Variants in MRPL14 observed in about 807,000 individuals in gnomAD.
The protein encoded by MRPL14 is large ribosomal subunit protein uL14m.
Under a neutral mutation model 10.9 loss-of-function variants are expected in MRPL14, and 8 were observed. The observed-to-expected ratio is 0.74, with a 90% CI of 0.43 to 1.33. MRPL14 has a LOEUF of 1.33. Among genes scored for constraint, MRPL14 ranks in the 40% most tolerant of loss-of-function variants. The probability of loss-of-function intolerance (pLI) is 0.01; values close to 1 mark genes in which losing one functional copy is unlikely to be tolerated. For synonymous variants in MRPL14, 82 were observed against 74.1 expected (o/e 1.11, Z -0.54); for missense variants, 179 against 194.5 (o/e 0.92, Z 0.47).
In MRPL14 at chr6:44,113,650, T is replaced by G; in HGVS notation, c.*193A>C. On this transcript the variant is annotated 3_prime_UTR_variant, in exon 3 of 3. Transcript: ENST00000372014. ...GTAAGCCACCTTTCAACTGCTTCAG[T>G]GTAATTTATTTTCCCACATCCCAGA... The G allele has an allele frequency of 1.7e-6, 1 of 574,724 alleles. No homozygotes were observed. The highest frequency in any genetic ancestry group is 2.8e-6 in the Non-Finnish European group (1 of 363,094). 35.6% of individuals were successfully genotyped at this position (574,724 alleles called of 1,614,324 possible). A position where few individuals can be genotyped will look rare whatever the true frequency, so the allele number is the denominator to read the frequency against.
intron 1 of MRPL14, among the ~76,000 whole-genome samples, chr6:44,119,665 G>A (rs1018990259): frequency 2.0e-5 from 3 of 152,212 alleles, no homozygotes; most frequent in Non-Finnish European, 4.4e-5. Context: ...TGTAGTGTAG[G>A]AGGCAAGAAG....
intron 1 of MRPL14, among the ~76,000 whole-genome samples, chr6:44,126,562 C>T (rs571489967): frequency 1.3e-5 from 2 of 152,314 alleles, no homozygotes; most frequent in East Asian, 3.9e-4. Flanking sequence ...CCAGAGTTTC[C>T]CAAGTAGCCT....
intron 2 of MRPL14, 29 bp downstream of exon 2, chr6:44,116,512 A>T: frequency 6.2e-7 from 1 of 1,608,470 alleles, no homozygotes; most frequent in South Asian, 1.1e-5. Flanking sequence ...ACAAAGACAC[A>T]GTTTTAAGAA....
intron 1 of MRPL14, among the ~76,000 whole-genome samples, 173 bp from the exon 2 acceptor site, chr6:44,116,802 G>A (rs756082774): frequency 2.0e-5 from 3 of 152,304 alleles, no homozygotes; most frequent in Middle Eastern, 3.4e-3. Context: ...CTGTAGCTCC[G>A]ATTTTGCTGA....
chr6:44,114,475 T>A (rs947582664), intron 2 of MRPL14, among the ~76,000 whole-genome samples: 7 of 152,176 alleles, frequency 4.6e-5, no homozygotes, highest in Admixed American at 6.5e-5. Context: ...TCTGTGACAA[T>A]GAACTTCACA....
chr6:44,119,154 C>T (rs1582719922), intron 1 of MRPL14, among the ~76,000 whole-genome samples: 1 of 152,264 alleles, frequency 6.6e-6, no homozygotes, highest in Non-Finnish European at 1.5e-5. Context: ...TGCTCTTACT[C>T]AACAGAGTAA....
intron 2 of MRPL14, among the ~76,000 whole-genome samples, chr6:44,114,749 C>T (rs575459981): frequency 2.1e-4 from 32 of 152,342 alleles, no homozygotes; most frequent in African/African-American, 7.5e-4. Flanking sequence ...GCTAGGAATA[C>T]ATGCGCCTGC....
At position 44,127,170 on chromosome 6, in the gene MRPL14, C is replaced by CCCCT. The variant is rs1400965416; in HGVS notation, c.-19+173_-19+174insAGGG. 4 of 100,452 alleles carry CCCCT rather than the reference C, an allele frequency of 4.0e-5. No homozygotes were observed. The East Asian group carries it at 1.5e-3, about 38-fold the overall frequency. The allele number at this position is 100,452 out of a possible 1,614,324, so 6.2% of individuals were successfully genotyped here. ...AGGGGCCTCCCCTCCCCGTCGGGAC[C>CCCCT]CCCCTCCCCGTCGGGACCCCCCCCT... On this transcript the variant is annotated intron_variant, in intron 1 of 2. Transcript: ENST00000372014.
At chr6:44,118,991 A>C (rs1776141316) in intron 1 of MRPL14, among the ~76,000 whole-genome samples, 1 of 152,074 alleles carries the variant, frequency 6.6e-6, no homozygotes. Context: ...AATAAACCTC[A>C]AAAAACCCTA....
chr6:44,119,887 T>C (rs1454252696), intron 1 of MRPL14, among the ~76,000 whole-genome samples: 2 of 151,966 alleles, frequency 1.3e-5, no homozygotes, highest in Non-Finnish European at 2.9e-5. Flanking sequence ...ACCACCCACA[T>C]TCCCTCTCCC....
At chr6:44,119,714 A>G (rs747652495) in intron 1 of MRPL14, among the ~76,000 whole-genome samples, 17 of 152,158 alleles carry the variant, frequency 1.1e-4, no homozygotes, top group Non-Finnish European at 2.1e-4. Flanking sequence ...ACTAGCAAAA[A>G]ACAACAAAAC....
chr6:44,126,697 C>T (rs1033624689), intron 1 of MRPL14, among the ~76,000 whole-genome samples: 9 of 152,202 alleles, frequency 5.9e-5, no homozygotes, highest in African/African-American at 2.2e-4. Context: ...CCTCCAGGAA[C>T]CAGAAATTAA....
chr6:44,113,792 T>A lies in MRPL14; in HGVS notation c.*51A>T, dbSNP rs775404207. ...CAAGCTCCCTTAGCAAAAGGGTGGT[T>A]CTCAGAACTGCTCCATTCACGAGTC... On this transcript the variant is annotated 3_prime_UTR_variant, in exon 3 of 3. Transcript: ENST00000372014. The A allele has an allele frequency of 1.3e-6, 2 of 1,515,350 alleles. No individual in the cohort carries two copies. Among genetic ancestry groups the A allele is most frequent in the South Asian group, 2.7e-5 (2 of 74,400 alleles). The allele number at this position is 1,515,350 out of a possible 1,614,324, so 93.9% of individuals were successfully genotyped here. A position where few individuals can be genotyped will look rare whatever the true frequency, so the allele number is the denominator to read the frequency against.
intron 1 of MRPL14, among the ~76,000 whole-genome samples, chr6:44,118,874 G>T (rs1414408818): frequency 1.3e-5 from 2 of 152,170 alleles, no homozygotes; most frequent in Non-Finnish European, 2.9e-5. Flanking sequence ...TGAGGCAGGA[G>T]AATCGCTTGA....
At chr6:44,124,107 T>C (rs713049) in intron 1 of MRPL14, among the ~76,000 whole-genome samples, 92,147 of 152,022 alleles carry the variant, frequency 0.61, 29,162 homozygotes, top group East Asian at 0.82. Context: ...ATCATATACA[T>C]AATTCCCTTC....
chr6:44,117,924 C>T (rs1776028699), intron 1 of MRPL14, among the ~76,000 whole-genome samples: 1 of 132,910 alleles, frequency 7.5e-6, no homozygotes, highest in Non-Finnish European at 1.5e-5. Context: ...TGAGTTCATG[C>T]AATCCTCCCG....
chr6:44,117,660 T>G (rs1775977026), intron 1 of MRPL14, among the ~76,000 whole-genome samples: 1 of 151,896 alleles, frequency 6.6e-6, no homozygotes, highest in Non-Finnish European at 1.5e-5. Flanking sequence ...ACCTAGACAC[T>G]CCATACTTTT....
intron 1 of MRPL14, among the ~76,000 whole-genome samples, chr6:44,121,801 G>A (rs910343716): frequency 1.3e-5 from 2 of 152,146 alleles, no homozygotes; most frequent in Admixed American, 6.5e-5. Context: ...TTAGTGGGGC[G>A]TGGTGGCACG....
At position 44,113,852 on chromosome 6, in the gene MRPL14, G is replaced by T; in HGVS notation, c.429C>A (p.Asn143Lys). ...GAGGCCTGGGCTCAACTCACACAAA[G>T]TTCTGAGCAATGGCCAGCACCTTGG... ...EYSKVLAIAQ[N>K]FV is the part of the protein sequence containing the mutation. Residue 143 changes from asparagine (N) to lysine (K), a missense_variant, in exon 3 of 3, where the codon AAC (asparagine) becomes AAA (lysine). Transcript: ENST00000372014. 4 of 1,562,920 alleles carry T rather than the reference G, an allele frequency of 2.6e-6. No homozygotes were observed. Among genetic ancestry groups the T allele is most frequent in the Non-Finnish European group, 3.5e-6 (4 of 1,150,136 alleles).
Sources: gnomAD v4.1 joint callset for allele counts (sites outside exome capture counted in the v4.1 genomes callset) on GRCh38, gnomAD v4.1.1 for gene constraint, MANE v1.5 for transcripts, NCBI Gene and HGNC (gene_info 2026-07-23, HGNC 2026-07-21) for gene names.